KCNMB2: variants seen among roughly 807,000 people sequenced by gnomAD.
The protein encoded by KCNMB2 is calcium-activated potassium channel subunit beta-2.
A neutral mutation model predicts 24.5 loss-of-function variants in KCNMB2; 9 were observed. The observed-to-expected ratio is 0.37, with a 90% CI of 0.22 to 0.64. The LOEUF is 0.64. Ranked by LOEUF, KCNMB2 falls within the 30% of genes least tolerant of loss-of-function variation. The pLI, the probability that KCNMB2 is intolerant of heterozygous loss-of-function variation, is 0.63. For synonymous variants in KCNMB2, 109 were observed against 104.4 expected (o/e 1.04, Z -0.27); for missense variants, 226 against 284.3 (o/e 0.79, Z 1.47).
intron 1 of KCNMB2, among the ~76,000 whole-genome samples, chr3:178,593,249 G>C (rs79914044): frequency 2.0e-5 from 3 of 152,006 alleles, no homozygotes; most frequent in Non-Finnish European, 4.4e-5. Context: ...TATTTATGAC[G>C]TGTAAAATGG....
chr3:178,739,631 A>G (rs1209619994), intron 1 of KCNMB2, among the ~76,000 whole-genome samples: 3 of 152,196 alleles, frequency 2.0e-5, no homozygotes, highest in Non-Finnish European at 4.4e-5. Flanking sequence ...TAGAGAAGCT[A>G]AATCTCTCTG....
At position 178,842,765 on chromosome 3, in the gene KCNMB2, A is replaced by C; in HGVS notation, c.536A>C (p.Glu179Ala). Residue 179 changes from glutamate to alanine, a missense_variant, in exon 5 of 5, where the codon GAA becomes GCA. Physicochemically the swap from Glu to Ala is moderately radical, Grantham distance 107. Transcript: ENST00000452583. ...CACTTCTCCTGCTATTCTGACCCAGAAGGAAACCAGAAGAGTGTTATCCTA... is the reference window on the plus strand; with the variant it reads ...CACTTCTCCTGCTATTCTGACCCAGCAGGAAACCAGAAGAGTGTTATCCTA... ...YQHFSCYSDP[E>A]GNQKSVILTK... 5 of 1,613,904 alleles carry C rather than the reference A, an allele frequency of 3.1e-6. No individual in the cohort carries two copies. Among genetic ancestry groups the C allele is most frequent in the Non-Finnish European group, 4.2e-6 (5 of 1,179,782 alleles).
At chr3:178,576,260 C>T (rs1177532347) in intron 1 of KCNMB2, among the ~76,000 whole-genome samples, 1 of 151,984 alleles carries the variant, frequency 6.6e-6, no homozygotes, top group African/African-American at 2.4e-5. Flanking sequence ...AACTCCCTCC[C>T]CTAGCCAAGG....
chr3:178,761,505 T>TA (rs1292685176), intron 1 of KCNMB2, among the ~76,000 whole-genome samples: 1 of 152,226 alleles, frequency 6.6e-6, no homozygotes, highest in Non-Finnish European at 1.5e-5. Flanking sequence ...AAACAAAAGA[T>TA]AGATTTTCAT....
At chr3:178,567,419 G>A (rs1186496255) in intron 1 of KCNMB2, among the ~76,000 whole-genome samples, 4 of 151,998 alleles carry the variant, frequency 2.6e-5, no homozygotes, top group Non-Finnish European at 5.9e-5. Flanking sequence ...GCTTAGAGAA[G>A]GTATTCAATA....
chr3:178,673,547 C>G (rs886118280), intron 1 of KCNMB2, among the ~76,000 whole-genome samples: 4 of 152,034 alleles, frequency 2.6e-5, no homozygotes, highest in Non-Finnish European at 4.4e-5. Flanking sequence ...TTCACCTTCC[C>G]TCCTCTTACT....
intron 1 of KCNMB2, among the ~76,000 whole-genome samples, chr3:178,552,720 G>A (rs1715997259): frequency 6.6e-6 from 1 of 151,954 alleles, no homozygotes; most frequent in South Asian, 2.1e-4. Flanking sequence ...CCTTGCTTTT[G>A]CTTTTCTCTA....
Position 178,829,593 on chromosome 3 carries a change from C to T in KCNMB2, c.423+1220C>T, listed in dbSNP as rs114960361. Among the ~76,000 whole-genome samples the T allele has an allele frequency of 6.8e-3, 1,039 of 152,298 alleles. 18 individuals are homozygous for T. Among genetic ancestry groups the T allele is most frequent in the African/African-American group, 0.024 (997 of 41,564 alleles). ...GTGCTGCAGTATGTAAAGCCTAGCT[C>T]TCTCACAAAGTGCTTGTCTTTCAAG... On this transcript the variant is annotated intron_variant, in intron 4 of 4. Coordinates refer to ENST00000452583, the MANE Select transcript of KCNMB2 (RefSeq NM_181361.3).
At chr3:178,792,417 CACAG>C (rs1163550797) in intron 1 of KCNMB2, among the ~76,000 whole-genome samples, 1 of 151,870 alleles carries the variant, frequency 6.6e-6, no homozygotes, top group African/African-American at 2.4e-5. Flanking sequence ...ACCACAGATA[CACAG>C]ACAATTAAAA....
intron 1 of KCNMB2, among the ~76,000 whole-genome samples, chr3:178,577,573 G>A (rs1371634888): frequency 4.6e-5 from 7 of 152,090 alleles, no homozygotes; most frequent in South Asian, 2.1e-4. Flanking sequence ...AAACTCCTCC[G>A]AGCTAAAGGA....
intron 1 of KCNMB2, among the ~76,000 whole-genome samples, chr3:178,596,790 T>G (rs757346856): frequency 6.6e-6 from 1 of 151,840 alleles, no homozygotes; most frequent in African/African-American, 2.4e-5. Flanking sequence ...TGAAAGAAAC[T>G]TCTATGTTTC....
intron 1 of KCNMB2, among the ~76,000 whole-genome samples, chr3:178,724,808 G>C (rs1722913912): frequency 6.6e-6 from 1 of 151,986 alleles, no homozygotes. Flanking sequence ...ATACCATTTT[G>C]TTGTGGGTGT....
Position 178,704,488 on chromosome 3 carries a change from AT to A in KCNMB2, c.-67-102852del, listed in dbSNP as rs370136002. Among the ~76,000 whole-genome samples the A allele has an allele frequency of 2.5e-4, 38 of 152,274 alleles. 1 individual carries two copies. The South Asian group carries it at 7.7e-3, about 31-fold the overall frequency. ...TCCATATTCCTGTCTCACTAGCCAT[AT>A]TTCAAGTGTTCCATTGTCATATGGG... On this transcript the variant is annotated intron_variant, in intron 1 of 4. Coordinates refer to ENST00000452583, the MANE Select transcript of KCNMB2 (RefSeq NM_181361.3).
chr3:178,586,538 CTTTTTTT>C (rs10677144), intron 1 of KCNMB2, among the ~76,000 whole-genome samples: 15 of 68,496 alleles, frequency 2.2e-4, no homozygotes, highest in South Asian at 6.6e-4. Flanking sequence ...TTTTTTCTTT[CTTTTTTT>C]TTTTTTTTTT....
chr3:178,726,641 T>C (rs1722976133), intron 1 of KCNMB2, among the ~76,000 whole-genome samples: 1 of 152,044 alleles, frequency 6.6e-6, no homozygotes, highest in South Asian at 2.1e-4. Flanking sequence ...GGAATTGCTT[T>C]TACAGACCAG....
intron 1 of KCNMB2, among the ~76,000 whole-genome samples, chr3:178,788,911 C>T (rs1289623307): frequency 6.6e-6 from 1 of 152,224 alleles, no homozygotes; most frequent in Non-Finnish European, 1.5e-5. Flanking sequence ...ATGTTCCCAA[C>T]ACCCAACTCG....
At chr3:178,537,882 G>A (rs769013074) in intron 1 of KCNMB2, among the ~76,000 whole-genome samples, 6 of 152,128 alleles carry the variant, frequency 3.9e-5, no homozygotes, top group Non-Finnish European at 7.4e-5. Flanking sequence ...TGGTTATAAC[G>A]AATGGCAGAT....
At chr3:178,588,008 C>T (rs191775110) in intron 1 of KCNMB2, among the ~76,000 whole-genome samples, 15 of 150,894 alleles carry the variant, frequency 9.9e-5, no homozygotes, top group African/African-American at 2.4e-4. Flanking sequence ...TCTGTCCTTG[C>T]GACAGTCTGC....
At chr3:178,655,570 T>C (rs568330257) in intron 1 of KCNMB2, among the ~76,000 whole-genome samples, 6 of 152,174 alleles carry the variant, frequency 3.9e-5, no homozygotes, top group Non-Finnish European at 5.9e-5. Flanking sequence ...GCTTTCCCAA[T>C]CTTTTCTAAA....
Sources: allele counts gnomAD v4.1 joint callset (sites outside exome capture counted in the v4.1 genomes callset), GRCh38; gene constraint gnomAD v4.1.1; transcripts MANE v1.5; gene names NCBI Gene and HGNC (gene_info 2026-07-23, HGNC 2026-07-21).